DFFB: variants seen among roughly 807,000 people sequenced by gnomAD.
DFFB encodes DNA fragmentation factor 40 kDa subunit.
DFFB carries 29 observed loss-of-function variants against 32.7 expected under a neutral mutation model. The ratio of observed to expected loss-of-function variants is 0.89; its 90% confidence interval spans 0.66 to 1.21. The LOEUF is 1.21. DFFB is among the 50% of genes most tolerant of loss of function. The pLI is 0.00. For missense variants in DFFB, 398 were observed against 440.6 expected, an observed-to-expected ratio of 0.90 and a Z score of 0.87; for synonymous variants, 170 against 177.1, an observed-to-expected ratio of 0.96 and a Z score of 0.32.
At position 3,857,577 on chromosome 1, in the gene DFFB, G is replaced by A. The variant is rs778877801; in HGVS notation, c.-27G>A. ...GGGCAGCAGGTGCCACCGCCTGTGG[G>A]ACCCAGAGGGCTTGAGGACATCTGC... On this transcript the variant is annotated 5_prime_UTR_variant, in exon 1 of 7. Transcript: ENST00000378209. 6.7e-7 allele frequency: 1 copy of A among 1,498,822 alleles called. No individual in the cohort carries two copies. Among genetic ancestry groups the A allele is most frequent in the South Asian group, 1.3e-5 (1 of 77,990 alleles). The allele number at this position is 1,498,822 out of a possible 1,614,324, so 92.8% of individuals were successfully genotyped here.
In DFFB at chr1:3,872,065, G is replaced by A. The variant is rs1204690352; in HGVS notation, c.682-407G>A. The stretch of plus-strand genomic sequence containing the variant: ...CACTAGTGCTGACATTTCAACATGA[G>A]CTCTGGGTGGGGCTGCACGTCCAAA... On this transcript the variant is annotated intron_variant, in intron 5 of 6. Coordinates refer to ENST00000378209, the MANE Select transcript of DFFB (RefSeq NM_004402.4). Among the ~76,000 whole-genome samples the A allele has an allele frequency of 2.0e-5, 3 of 152,338 alleles. No individual in the cohort carries two copies. The East Asian group carries it at 5.8e-4, about 29-fold the overall frequency.
chr1:3,860,139 G>T (rs1644851894), intron 2 of DFFB, among the ~76,000 whole-genome samples: 1 of 152,150 alleles, frequency 6.6e-6, no homozygotes, highest in South Asian at 2.1e-4. Context: ...TGTTGCACAG[G>T]CTGGCCTCAA....
rs769964238 is a variant in DFFB at position 3,883,624 on chromosome 1, ACTAGTG to A, written c.902_907del (p.Leu301_Val302del). ...TGCTTTTTACCTCAGAGAACCTAAA[ACTAGTG>A]CACATTGTCTGCCATAAGAAAACCA... On this transcript the variant is annotated inframe_deletion, in exon 7 of 7. Coordinates refer to ENST00000378209, the MANE Select transcript of DFFB (RefSeq NM_004402.4). The A allele has an allele frequency of 6.2e-7, 1 of 1,614,034 alleles. No homozygotes were observed. Among genetic ancestry groups the A allele is most frequent in the Non-Finnish European group, 8.5e-7 (1 of 1,180,002 alleles).
chr1:3,866,965 G>C (rs1644995454), intron 3 of DFFB, among the ~76,000 whole-genome samples: 1 of 152,018 alleles, frequency 6.6e-6, no homozygotes, highest in Non-Finnish European at 1.5e-5. Context: ...GCGCGATCTT[G>C]GCTCACTGCA....
intron 6 of DFFB, among the ~76,000 whole-genome samples, chr1:3,882,196 G>A (rs1645353009): frequency 6.6e-6 from 1 of 151,752 alleles, no homozygotes; most frequent in Admixed American, 6.6e-5. Context: ...GGGATTACAG[G>A]CGTGCGCCAC....
intron 6 of DFFB, among the ~76,000 whole-genome samples, chr1:3,879,867 C>T (rs1031677049): frequency 1.2e-4 from 19 of 152,310 alleles, no homozygotes; most frequent in Admixed American, 1.1e-3. Flanking sequence ...AGTCTGGTTT[C>T]ATTATTTCCA....
At chr1:3,871,498 G>A (rs1005446114) in intron 5 of DFFB, among the ~76,000 whole-genome samples, 4 of 152,244 alleles carry the variant, frequency 2.6e-5, no homozygotes, top group Middle Eastern at 3.4e-3. Flanking sequence ...TATTGGCCAG[G>A]CTGGTCTGGA....
At chr1:3,872,973 T>C (rs1645150305) in intron 6 of DFFB, 3 of 1,254,648 alleles carry the variant, frequency 2.4e-6, no homozygotes, top group Non-Finnish European at 3.1e-6. Context: ...CCTGGTGTTA[T>C]GATAGGTAAG....
Position 3,868,017 on chromosome 1 carries a change from C to G in DFFB, c.474C>G (p.Tyr158Ter), listed in dbSNP as rs373643674. 6.2e-7 allele frequency: 1 copy of G among 1,614,148 alleles called. No homozygotes were observed. The highest frequency in any genetic ancestry group is 8.5e-7 in the Non-Finnish European group (1 of 1,180,014). ...AGAGCAAGTCTGGCTATCTGAGATACAGCTGTGAGAGCCGGATCCGGAGTT... is the reference window on the plus strand; with the variant it reads ...AGAGCAAGTCTGGCTATCTGAGATAGAGCTGTGAGAGCCGGATCCGGAGTT... ...RFQSKSGYLRYSCESRIRSYL... is the reference protein window; with the variant it reads ...RFQSKSGYLR The change falls in exon 4 of 7, where the codon TAC becomes TAG. Residue 158 changes from tyrosine to a stop codon, truncating the protein, a stop_gained. Coordinates refer to ENST00000378209, the MANE Select transcript of DFFB (RefSeq NM_004402.4). LOFTEE classifies it high-confidence loss of function.
intron 6 of DFFB, chr1:3,873,098 A>G (rs11581471): frequency 0.69 from 482,044 of 694,676 alleles, 169,221 homozygotes; most frequent in Non-Finnish European, 0.72. Flanking sequence ...GGCCTCAAGC[A>G]ATCCTCCTGC....
chr1:3,864,031 A>T (rs1644927757), intron 2 of DFFB, among the ~76,000 whole-genome samples: 1 of 152,030 alleles, frequency 6.6e-6, no homozygotes, highest in African/African-American at 2.4e-5. Flanking sequence ...CAGTGGCGCG[A>T]TCTCGGCTCA....
intron 1 of DFFB, among the ~76,000 whole-genome samples, chr1:3,858,225 A>C (rs1205567964): frequency 1.3e-5 from 2 of 152,290 alleles, no homozygotes; most frequent in South Asian, 4.1e-4. Context: ...AGTAGCCATA[A>C]AATGCCTAAA....
intron 5 of DFFB, 111 bp downstream of exon 5, chr1:3,869,886 T>G: frequency 8.5e-7 from 1 of 1,182,750 alleles, no homozygotes; most frequent in Non-Finnish European, 1.2e-6. Context: ...GGGCAAAGCC[T>G]TGTGAAGAGG....
intron 6 of DFFB, chr1:3,872,879 C>A: frequency 8.2e-7 from 1 of 1,226,486 alleles, no homozygotes. Context: ...CGTCCTTCCC[C>A]AGAACACAGG....
At chr1:3,869,306 C>T (rs1038822961) in intron 4 of DFFB, among the ~76,000 whole-genome samples, 7 of 152,232 alleles carry the variant, frequency 4.6e-5, no homozygotes, top group African/African-American at 1.4e-4. Context: ...AGTGATCCGC[C>T]CACCTCGGCC....
chr1:3,878,094 G>A (rs1487198138), intron 6 of DFFB, among the ~76,000 whole-genome samples: 1 of 152,042 alleles, frequency 6.6e-6, no homozygotes, highest in Non-Finnish European at 1.5e-5. Flanking sequence ...GCTCTCAGCT[G>A]TGTCCCCAGT....
chr1:3,866,337 C>A (rs973109051), intron 3 of DFFB: 11 of 377,902 alleles, frequency 2.9e-5, no homozygotes, highest in Non-Finnish European at 4.7e-5. Context: ...CTCCCTGCAC[C>A]CTCTGCCTCC....
At chr1:3,863,205 A>T (rs1644910901) in intron 2 of DFFB, among the ~76,000 whole-genome samples, 1 of 152,228 alleles carries the variant, frequency 6.6e-6, no homozygotes, top group African/African-American at 2.4e-5. Context: ...AGATAACCCA[A>T]TTAAACATGG....
At chr1:3,881,699 A>T (rs1256877216) in intron 6 of DFFB, among the ~76,000 whole-genome samples, 2 of 152,184 alleles carry the variant, frequency 1.3e-5, no homozygotes, top group Non-Finnish European at 2.9e-5. Context: ...TCTACTAAAA[A>T]TACAAAATAC....
Sources: gnomAD v4.1 joint callset for allele counts (sites outside exome capture counted in the v4.1 genomes callset) on GRCh38, gnomAD v4.1.1 for gene constraint, MANE v1.5 for transcripts, NCBI Gene and HGNC (gene_info 2026-07-23, HGNC 2026-07-21) for gene names.